The following NCOR1 variants were observed in gnomAD, a reference collection of about 807,000 sequenced individuals.
NCOR1 encodes the protein protein phosphatase 1, regulatory subunit 109.
A neutral mutation model predicts 288.1 loss-of-function variants in NCOR1; 63 were observed. The observed-to-expected ratio is 0.22, with a 90% CI of 0.18 to 0.27. The LOEUF is 0.27. Ranked by LOEUF, NCOR1 falls within the 10% of genes least tolerant of loss-of-function variation. The probability of loss-of-function intolerance (pLI) is 1.00; values close to 1 mark genes in which losing one functional copy is unlikely to be tolerated. For missense variants in NCOR1, 2,397 were observed against 3,019.2 expected, an observed-to-expected ratio of 0.79 and a Z score of 4.83; for synonymous variants, 1,007 against 1,065.9, an observed-to-expected ratio of 0.94 and a Z score of 1.08.
Position 16,032,062 on chromosome 17 carries a change from C to T in NCOR1, c.*234G>A. The T allele has an allele frequency of 2.1e-6, 1 of 481,746 alleles. No homozygotes were observed. Among genetic ancestry groups the T allele is most frequent in the East Asian group, 3.8e-5 (1 of 26,658 alleles). 29.8% of individuals were successfully genotyped at this position (481,746 alleles called of 1,614,324 possible). A position where few individuals can be genotyped will look rare whatever the true frequency, so the allele number is the denominator to read the frequency against. ...AAAAACTCTACATCTCAACCCTCCACTATTATTATAGTCCACTGAATTGCC... is the reference window on the plus strand; with the variant it reads ...AAAAACTCTACATCTCAACCCTCCATTATTATTATAGTCCACTGAATTGCC... On this transcript the variant is annotated 3_prime_UTR_variant, in exon 46 of 46. Coordinates refer to ENST00000268712, the MANE Select transcript of NCOR1 (RefSeq NM_006311.4).
chr17:16,062,397 A>G (rs2060638863), intron 35 of NCOR1, 127 bp from the exon 36 acceptor site: 2 of 982,416 alleles, frequency 2.0e-6, no homozygotes, highest in South Asian at 2.6e-5. Context: ...AAGATAAGAA[A>G]CTTGATAGTC....
At chr17:16,153,495 G>A in intron 6 of NCOR1, 100 bp from the exon 7 acceptor site, 1 of 672,452 alleles carries the variant, frequency 1.5e-6, no homozygotes, top group Non-Finnish European at 2.4e-6. Flanking sequence ...ATCTATAGAT[G>A]AACTTATCCT....
chr17:16,207,786 A>G (rs797020803), intron 1 of NCOR1, among the ~76,000 whole-genome samples: 1 of 151,506 alleles, frequency 6.6e-6, no homozygotes, highest in African/African-American at 2.4e-5. Flanking sequence ...ATGTAACCTC[A>G]ATATATTTGG....
chr17:16,171,492 T>C (rs991992770), intron 4 of NCOR1, among the ~76,000 whole-genome samples: 8 of 152,170 alleles, frequency 5.3e-5, no homozygotes, highest in African/African-American at 1.9e-4. Flanking sequence ...TAGTCTTGAG[T>C]ACCTCTGACC....
Position 16,091,954 on chromosome 17 carries a change from C to T in NCOR1, c.2925G>A (p.Glu975=), listed in dbSNP as rs200251586. The T allele has an allele frequency of 1.2e-6, 2 of 1,614,232 alleles. No individual in the cohort carries two copies. The highest frequency in any genetic ancestry group is 1.1e-5 in the South Asian group (1 of 91,082). Reference sequence around the variant, plus strand: ...CTATCTGTTCTTGTCTCTGCCGCTGCTCCTCCAGGAGTGCTGACTCATGCA... The same window carrying T: ...CTATCTGTTCTTGTCTCTGCCGCTGTTCCTCCAGGAGTGCTGACTCATGCA... The part of the protein sequence containing the change: ...KAMHESALLE[E]QRQRQEQIDL... The change falls in exon 22 of 46, where the codon GAG becomes GAA. Residue 975 remains glutamate, a synonymous_variant. Transcript: ENST00000268712.
At chr17:16,067,372 C>T (rs1323499704) in intron 32 of NCOR1, among the ~76,000 whole-genome samples, 1 of 152,162 alleles carries the variant, frequency 6.6e-6, no homozygotes, top group African/African-American at 2.4e-5. Context: ...CAGGTGCGGA[C>T]TAGACAACTT....
At chr17:16,095,800 C>G (rs1371813133) in intron 21 of NCOR1, among the ~76,000 whole-genome samples, 2 of 151,374 alleles carry the variant, frequency 1.3e-5, no homozygotes, top group Admixed American at 6.6e-5. Context: ...CCCCTCTGCC[C>G]GGCCACCACC....
intron 36 of NCOR1, 59 bp downstream of exon 36, chr17:16,062,046 A>G (rs2060599848): frequency 1.3e-6 from 2 of 1,594,910 alleles, no homozygotes; most frequent in African/African-American, 2.7e-5. Context: ...TTGCAGTCAC[A>G]AATTTTAAAA....
intron 14 of NCOR1, among the ~76,000 whole-genome samples, chr17:16,126,999 C>T (rs1327231778): frequency 6.6e-6 from 1 of 152,078 alleles, no homozygotes; most frequent in Non-Finnish European, 1.5e-5. Flanking sequence ...AGACCACACT[C>T]ATGTAACTTC....
In NCOR1 at chr17:16,146,725, T is replaced by C. The variant is rs193040116; in HGVS notation, c.910-177A>G. Among the ~76,000 whole-genome samples, 74 of 152,286 alleles carry C rather than the reference T, an allele frequency of 4.9e-4. 1 individual carries two copies. The highest frequency in any genetic ancestry group is 1.2e-4 in the Non-Finnish European group (8 of 68,008). ...GAGGAAAGGTAGCTCTGTTTCCTAC[T>C]AAGATCAACACATAGAGCACAGGTT... is the stretch of plus-strand genomic sequence containing the variant. On this transcript the variant is annotated intron_variant, in intron 9 of 45. Transcript: ENST00000268712.
At chr17:16,202,799 G>A (rs1352362867) in intron 1 of NCOR1, among the ~76,000 whole-genome samples, 2 of 152,020 alleles carry the variant, frequency 1.3e-5, no homozygotes, top group African/African-American at 2.4e-5. Flanking sequence ...GTTAATCAAG[G>A]GTTATGAACA....
chr17:16,127,573 A>G (rs914248766), intron 14 of NCOR1, among the ~76,000 whole-genome samples: 4 of 144,774 alleles, frequency 2.8e-5, no homozygotes, highest in East Asian at 4.3e-4. Context: ...ATGTATGTAT[A>G]TATACATATG....
intron 32 of NCOR1, among the ~76,000 whole-genome samples, chr17:16,066,177 T>C (rs539354543): frequency 1.3e-5 from 2 of 152,302 alleles, no homozygotes; most frequent in Admixed American, 1.3e-4. Flanking sequence ...ACTTTTGACA[T>C]AAAGGGCCAA....
rs184547872 is a variant in NCOR1, at chr17:16,100,655, C to G, written c.2690+595G>C. Among the ~76,000 whole-genome samples, 546 of 152,276 alleles carry G rather than the reference C, an allele frequency of 3.6e-3. 2 individuals are homozygous for G. The highest frequency in any genetic ancestry group is 5.2e-3 in the Non-Finnish European group (351 of 68,014). ...CTCCGTCTCAAAAAAAGAAAAAAAA[C>G]TTGTAAATTAATCTGCATTATACCT... On this transcript the variant is annotated intron_variant, in intron 20 of 45. Coordinates refer to ENST00000268712, the MANE Select transcript of NCOR1 (RefSeq NM_006311.4).
intron 34 of NCOR1, 23 bp from the exon 35 acceptor site, chr17:16,064,210 T>A (rs1266762982): frequency 1.2e-6 from 2 of 1,600,570 alleles, no homozygotes; most frequent in Non-Finnish European, 8.5e-7. Flanking sequence ...AACCTGCAGC[T>A]TAAAGATAAA....
At chr17:16,066,481 A>G (rs1342615330) in intron 32 of NCOR1, among the ~76,000 whole-genome samples, 1 of 152,238 alleles carries the variant, frequency 6.6e-6, no homozygotes, top group Non-Finnish European at 1.5e-5. Flanking sequence ...CTCAGGCTCA[A>G]AAACAAGCAA....
At chr17:16,093,529 A>T (rs1188683174) in intron 21 of NCOR1, among the ~76,000 whole-genome samples, 1 of 152,256 alleles carries the variant, frequency 6.6e-6, no homozygotes, top group African/African-American at 2.4e-5. Flanking sequence ...TTAAAAAAAT[A>T]GCCCAGAACA....
At chr17:16,153,050 T>G (rs1055874728) in intron 7 of NCOR1, among the ~76,000 whole-genome samples, 5 of 152,184 alleles carry the variant, frequency 3.3e-5, no homozygotes, top group Non-Finnish European at 7.3e-5. Flanking sequence ...GTCACTATTT[T>G]AACAGTAACA....
At chr17:16,185,257 T>TAAAAAC (rs2153521376) in intron 3 of NCOR1, among the ~76,000 whole-genome samples, 1 of 152,022 alleles carries the variant, frequency 6.6e-6, no homozygotes, top group East Asian at 1.9e-4. Context: ...AAAGCAAAAA[T>TAAAAAC]AAAAACAAAA....
Sources: gnomAD v4.1 joint callset for allele counts (sites outside exome capture counted in the v4.1 genomes callset) on GRCh38, gnomAD v4.1.1 for gene constraint, MANE v1.5 for transcripts, NCBI Gene and HGNC (gene_info 2026-07-23, HGNC 2026-07-21) for gene names.